Variants in TYW1 observed in about 807,000 individuals in gnomAD.
TYW1 encodes the protein S-adenosyl-L-methionine-dependent tRNA 4-demethylwyosine synthase TYW1.
A neutral mutation model predicts 96.2 loss-of-function variants in TYW1; 46 were observed. The ratio of observed to expected loss-of-function variants is 0.48; its 90% CI spans 0.38 to 0.61. TYW1 has a LOEUF of 0.61. Among genes scored for constraint, TYW1 ranks in the 20% least tolerant of loss-of-function variants. The probability of loss-of-function intolerance (pLI) is 0.00; values close to 1 mark genes in which losing one functional copy is unlikely to be tolerated. For synonymous variants in TYW1, 274 were observed against 323.0 expected (o/e 0.85, Z 1.63); for missense variants, 684 against 909.6 (o/e 0.75, Z 3.19).
At chr7:67,008,145 C>A (rs1793666012) in intron 3 of TYW1, among the ~76,000 whole-genome samples, 2 of 151,990 alleles carry the variant, frequency 1.3e-5, no homozygotes, top group Non-Finnish European at 2.9e-5. Context: ...GGATGCAACT[C>A]AGGAACGGCC....
intron 3 of TYW1, among the ~76,000 whole-genome samples, chr7:67,005,425 A>G (rs745691116): frequency 1.3e-5 from 2 of 152,152 alleles, no homozygotes; most frequent in African/African-American, 2.4e-5. Flanking sequence ...GCAAAACTCT[A>G]TCTCTACAAA....
rs540411210 is a variant in TYW1 at position 67,084,560 on chromosome 7, C to T, written c.1384+1021C>T. 5.3e-5 allele frequency among the ~76,000 whole-genome samples: 8 copies of T among 151,848 alleles called. No individual in the cohort carries two copies. In the East Asian group the frequency reaches 9.7e-4, roughly 18 times the overall value. On this transcript the variant is annotated intron_variant, in intron 11 of 15. Coordinates refer to ENST00000359626, the MANE Select transcript of TYW1 (RefSeq NM_018264.4). Reference sequence around the variant, plus strand: ...TTTGGACCAGATCTCGCTCTGTCACCCAGGCTGGAGTATGTGGTGCCATCT... The same window carrying T: ...TTTGGACCAGATCTCGCTCTGTCACTCAGGCTGGAGTATGTGGTGCCATCT...
chr7:67,238,061 T>C (rs1003329760), intron 15 of TYW1, among the ~76,000 whole-genome samples: 1 of 151,652 alleles, frequency 6.6e-6, no homozygotes, highest in African/African-American at 2.4e-5. Context: ...TAAACTTGAC[T>C]TGTCTTCCGG....
intron 7 of TYW1, among the ~76,000 whole-genome samples, chr7:67,048,518 A>T (rs1795256650): frequency 1.3e-5 from 2 of 152,104 alleles, no homozygotes; most frequent in East Asian, 3.9e-4. Flanking sequence ...TCCCAAAAAG[A>T]TAGGGAGATA....
chr7:67,222,708 T>C (rs1325380194), intron 15 of TYW1, among the ~76,000 whole-genome samples: 1 of 151,936 alleles, frequency 6.6e-6, no homozygotes, highest in Non-Finnish European at 1.5e-5. Context: ...TCAATGTTTA[T>C]ATTTATGTCT....
chr7:67,237,086 A>G (rs1801911912), intron 15 of TYW1, among the ~76,000 whole-genome samples: 1 of 152,124 alleles, frequency 6.6e-6, no homozygotes, highest in African/African-American at 2.4e-5. Context: ...GGGTTTTACC[A>G]TGTTGGCCAA....
chr7:67,124,226 ATGT>A (rs1441446771), intron 13 of TYW1, among the ~76,000 whole-genome samples: 2 of 152,202 alleles, frequency 1.3e-5, no homozygotes, highest in Non-Finnish European at 2.9e-5. Flanking sequence ...AATTGAAATC[ATGT>A]TGTACATATT....
intron 13 of TYW1, among the ~76,000 whole-genome samples, chr7:67,170,230 A>G (rs1563053302): frequency 6.6e-6 from 1 of 152,158 alleles, no homozygotes; most frequent in Non-Finnish European, 1.5e-5. Context: ...GTCAAAATCA[A>G]TTGGCTGTTA....
chr7:67,125,548 C>T (rs3962071), intron 13 of TYW1, among the ~76,000 whole-genome samples: 20,013 of 150,940 alleles, frequency 0.13, 1,627 homozygotes, highest in East Asian at 0.3. Context: ...TTTATTATAA[C>T]TGATGAACCT....
At chr7:67,089,204 T>C in intron 11 of TYW1, 2 of 891,358 alleles carry the variant, frequency 2.2e-6, no homozygotes, top group Non-Finnish European at 3.2e-6. Context: ...TTCCCCCTTA[T>C]ATATTTATAA....
At chr7:67,010,348 C>T (rs1368791108) in intron 4 of TYW1, among the ~76,000 whole-genome samples, 1 of 151,918 alleles carries the variant, frequency 6.6e-6, no homozygotes, top group African/African-American at 2.4e-5. Flanking sequence ...GGCTCTCACT[C>T]TCTCACCCAG....
intron 7 of TYW1, among the ~76,000 whole-genome samples, chr7:67,025,337 A>C (rs957873019): frequency 6.6e-6 from 1 of 150,984 alleles, no homozygotes; most frequent in African/African-American, 2.4e-5. Context: ...TGGGCTACAC[A>C]TAAAATACAC....
At chr7:67,163,938 G>A (rs4717353) in intron 13 of TYW1, among the ~76,000 whole-genome samples, 42,749 of 151,952 alleles carry the variant, frequency 0.28, 6,528 homozygotes, top group African/African-American at 0.4. Context: ...CAAAGTGCTG[G>A]GATTACAAGC....
At chr7:67,004,905 G>A (rs1388400966) in intron 3 of TYW1, among the ~76,000 whole-genome samples, 8 of 152,176 alleles carry the variant, frequency 5.3e-5, no homozygotes, top group South Asian at 2.1e-4. Flanking sequence ...ACAGGTGTGC[G>A]CCACCACATC....
intron 13 of TYW1, among the ~76,000 whole-genome samples, chr7:67,160,805 T>G (rs1467823244): frequency 1.3e-5 from 2 of 151,732 alleles, no homozygotes; most frequent in Non-Finnish European, 2.9e-5. Context: ...TTGGCCAGGC[T>G]GATTTCGAAC....
intron 13 of TYW1, among the ~76,000 whole-genome samples, chr7:67,118,737 A>G (rs893624906): frequency 9.9e-5 from 15 of 151,892 alleles, no homozygotes; most frequent in African/African-American, 3.6e-4. Flanking sequence ...CTACCAAAAA[A>G]CAAAATACAA....
chr7:67,136,650 C>CGTGTGT (rs59522817), intron 13 of TYW1, among the ~76,000 whole-genome samples: 50 of 143,964 alleles, frequency 3.5e-4, no homozygotes, highest in Non-Finnish European at 5.5e-4. Context: ...TTATACAGTG[C>CGTGTGT]GTGTGTGTGT....
intron 11 of TYW1, among the ~76,000 whole-genome samples, chr7:67,090,788 T>C (rs1584547478): frequency 6.6e-6 from 1 of 152,268 alleles, no homozygotes; most frequent in East Asian, 1.9e-4. Flanking sequence ...GGACTCTTTC[T>C]TTCTTCTCCA....
intron 7 of TYW1, among the ~76,000 whole-genome samples, chr7:67,038,592 T>G (rs1023703854): frequency 1.4e-5 from 2 of 140,940 alleles, no homozygotes; most frequent in Non-Finnish European, 3.1e-5. Context: ...GACAACAGAG[T>G]AAAACCTTGT....
Sources: allele counts gnomAD v4.1 joint callset (sites outside exome capture counted in the v4.1 genomes callset), GRCh38; gene constraint gnomAD v4.1.1; transcripts MANE v1.5; gene names NCBI Gene and HGNC (gene_info 2026-07-23, HGNC 2026-07-21).